Variants in PSMA3 observed in about 807,000 individuals in gnomAD.
PSMA3 encodes the protein proteasome subunit alpha type-3.
In PSMA3, 8 loss-of-function variants were observed where a neutral mutation model predicts 40.0. The observed-to-expected ratio is 0.20, with a 90% CI of 0.12 to 0.36. PSMA3 has a LOEUF of 0.36. PSMA3 is among the 10% of genes least tolerant of loss of function. PSMA3 has a pLI of 1.00. For synonymous variants in PSMA3, 110 were observed against 100.0 expected (o/e 1.10, Z -0.59); for missense variants, 219 against 310.6 (o/e 0.70, Z 2.22).
chr14:58,246,952 A>C lies in PSMA3; in HGVS notation c.22-798A>C, dbSNP rs541822785. Among the ~76,000 whole-genome samples the C allele has an allele frequency of 3.3e-5, 5 of 152,366 alleles. No individual in the cohort carries two copies. The East Asian group carries it at 7.7e-4, about 23-fold the overall frequency. On this transcript the variant is annotated intron_variant, in intron 1 of 10. Transcript: ENST00000216455. ...GAGTCCTTTTTCCATCCTGGAAGAC[A>C]CAACATAATCTGGCCCTCAGCTACC...
intron 6 of PSMA3, among the ~76,000 whole-genome samples, chr14:58,261,965 C>T (rs1322145059): frequency 6.6e-6 from 1 of 150,626 alleles, no homozygotes; most frequent in Non-Finnish European, 1.5e-5. Context: ...GTCACTCTGT[C>T]TCCCAGGCTG....
At chr14:58,271,570 G>C (rs181593280) in intron 10 of PSMA3, among the ~76,000 whole-genome samples, 1 of 152,036 alleles carries the variant, frequency 6.6e-6, no homozygotes, top group Non-Finnish European at 1.5e-5. Context: ...TTGAACTCAC[G>C]TGATCTGCCT....
chr14:58,258,264 C>T, intron 5 of PSMA3: 1 of 336,622 alleles, frequency 3.0e-6, no homozygotes, highest in South Asian at 6.4e-5. Flanking sequence ...GCAGTGAGAA[C>T]CTATCTCTAC....
chr14:58,271,824 T>C, intron 10 of PSMA3, 27 bp from the exon 11 acceptor site: 3 of 1,571,894 alleles, frequency 1.9e-6, no homozygotes, highest in South Asian at 1.1e-5. Flanking sequence ...TAAAAATCAA[T>C]TTTAAACACC....
chr14:58,253,326 CAAG>C (rs1240060987), intron 3 of PSMA3, among the ~76,000 whole-genome samples: 3 of 152,062 alleles, frequency 2.0e-5, no homozygotes, highest in African/African-American at 7.2e-5. Context: ...AGATGCACAG[CAAG>C]TAAAGAAAAG....
rs577927706 is a variant in PSMA3 at position 58,258,762 on chromosome 14, A to ACATGTTTGGCTTATGACTTAAAACAGT, written c.404+767_404+793dup. ...GACTAGATTTTTCTAAAATGAAAAG[A>ACATGTTTGGCTTATGACTTAAAACAGT]CATGTTTGGCTTATGACTTAAAACA... On this transcript the variant is annotated intron_variant, in intron 5 of 10. Transcript: ENST00000216455. 4.5e-3 allele frequency among the ~76,000 whole-genome samples: 689 copies of ACATGTTTGGCTTATGACTTAAAACAGT among 152,256 alleles called. 5 individuals carry two copies. Among genetic ancestry groups the ACATGTTTGGCTTATGACTTAAAACAGT allele is most frequent in the African/African-American group, 0.015 (639 of 41,512 alleles).
In PSMA3 at chr14:58,270,436, C is replaced by T. The variant is rs146180750; in HGVS notation, c.609C>T (p.Asp203=). Residue 203 remains aspartate (D), a synonymous_variant, in exon 9 of 11, where the codon GAC becomes GAT. Transcript: ENST00000216455. The part of the protein sequence containing the change: ...EVAKIIYIVH[D]EVKDKAFELE... ...ATTCTAGAATTTACATAGTACATGACGAAGTTAAGGATAAAGCTTTTGAAC... is the reference window on the plus strand; with the variant it reads ...ATTCTAGAATTTACATAGTACATGATGAAGTTAAGGATAAAGCTTTTGAAC... 1.6e-5 allele frequency: 26 copies of T among 1,613,322 alleles called. No individual in the cohort carries two copies. Among genetic ancestry groups the T allele is most frequent in the African/African-American group, 2.7e-5 (2 of 74,856 alleles).
At chr14:58,256,222 A>G (rs1320885501) in intron 3 of PSMA3, among the ~76,000 whole-genome samples, 4 of 152,126 alleles carry the variant, frequency 2.6e-5, no homozygotes, top group African/African-American at 9.7e-5. Flanking sequence ...TATTCAGCCA[A>G]TAGGCTGAAA....
At chr14:58,263,664 G>A (rs1255645720) in intron 6 of PSMA3, 41 bp from the exon 7 acceptor site, 1 of 1,457,428 alleles carries the variant, frequency 6.9e-7, no homozygotes, top group Non-Finnish European at 9.6e-7. Context: ...ACATATGATA[G>A]TGTACTAATT....
chr14:58,271,396 CT>C (rs1890619908), intron 10 of PSMA3, among the ~76,000 whole-genome samples: 1 of 134,176 alleles, frequency 7.5e-6, no homozygotes, highest in Non-Finnish European at 1.5e-5. Flanking sequence ...GTGGCACCAT[CT>C]CTGCTCACTG....
intron 1 of PSMA3, 69 bp from the exon 2 acceptor site, chr14:58,247,681 A>G: frequency 1.9e-6 from 2 of 1,041,676 alleles, no homozygotes; most frequent in Non-Finnish European, 2.9e-6. Flanking sequence ...TCAGCCATTT[A>G]GAGGGGAAGA....
rs750350195 is a variant in PSMA3, at chr14:58,252,286, C to A, written c.228+44C>A. On this transcript the variant is annotated intron_variant, in intron 3 of 10. Coordinates refer to ENST00000216455, the MANE Select transcript of PSMA3 (RefSeq NM_002788.4). The stretch of plus-strand genomic sequence containing the variant: ...TGTTCCTTTTTGTCTTGTCCAATTT[C>A]TTTTGAAGTAACTGATTGGAATAGA... 3.2e-6 allele frequency: 5 copies of A among 1,584,026 alleles called. No homozygotes were observed. The East Asian group carries it at 6.8e-5, about 21-fold the overall frequency.
intron 5 of PSMA3, chr14:58,258,603 C>T (rs1283644842): frequency 1.3e-5 from 2 of 151,938 alleles, no homozygotes; most frequent in African/African-American, 2.4e-5. Flanking sequence ...TTACGTCTCA[C>T]AATTCCCATT....
At chr14:58,252,821 G>GAA (rs11445029) in intron 3 of PSMA3, among the ~76,000 whole-genome samples, 21,708 of 138,102 alleles carry the variant, frequency 0.16, 1,854 homozygotes, top group African/African-American at 0.23. Context: ...ACTACTGAAA[G>GAA]AAAAAAAAAA....
At chr14:58,270,790 A>T (rs1594835532) in intron 9 of PSMA3, 144 bp from the exon 10 acceptor site, 3 of 802,564 alleles carry the variant, frequency 3.7e-6, no homozygotes, top group African/African-American at 1.7e-5. Context: ...AGCAGCACAC[A>T]AAAATATTCG....
chr14:58,270,550 A>G, intron 9 of PSMA3, 65 bp downstream of exon 9: 1 of 1,603,988 alleles, frequency 6.2e-7, no homozygotes, highest in Non-Finnish European at 8.5e-7. Context: ...TTTACAACTG[A>G]GTGTCCTTTC....
chr14:58,249,515 CT>C (rs145899290), intron 2 of PSMA3, among the ~76,000 whole-genome samples: 1 of 151,532 alleles, frequency 6.6e-6, no homozygotes, highest in Non-Finnish European at 1.5e-5. Context: ...TTAAAAAAAA[CT>C]TTTTTTGGGG....
intron 10 of PSMA3, among the ~76,000 whole-genome samples, chr14:58,271,243 T>C (rs777086347): frequency 7.6e-6 from 1 of 131,910 alleles, no homozygotes; most frequent in Non-Finnish European, 1.7e-5. Flanking sequence ...GTGGGTAAAG[T>C]TGCCTTGGTT....
chr14:58,247,711 C>T (rs1349797555), intron 1 of PSMA3, 39 bp from the exon 2 acceptor site: 4 of 1,379,518 alleles, frequency 2.9e-6, no homozygotes, highest in Non-Finnish European at 4.1e-6. Flanking sequence ...GTCATTACTG[C>T]CAAAGATACA....
Sources: gnomAD v4.1 joint callset for allele counts (sites outside exome capture counted in the v4.1 genomes callset) on GRCh38, gnomAD v4.1.1 for gene constraint, MANE v1.5 for transcripts, NCBI Gene and HGNC (gene_info 2026-07-23, HGNC 2026-07-21) for gene names.